Variants in PRKAG2 observed in about 807,000 individuals in gnomAD.
PRKAG2 encodes protein kinase AMP-activated non-catalytic subunit gamma 2.
A neutral mutation model predicts 69.6 loss-of-function variants in PRKAG2; 26 were observed. The observed-to-expected ratio is 0.37, with a 90% CI of 0.27 to 0.52. The LOEUF (loss-of-function observed/expected upper bound fraction) is 0.52. Ranked by LOEUF, PRKAG2 falls within the 20% of genes least tolerant of loss-of-function variation. PRKAG2 has a pLI of 0.90. For missense variants in PRKAG2, 557 were observed against 740.0 expected, an observed-to-expected ratio of 0.75 and a Z score of 2.87; for synonymous variants, 293 against 285.0, an observed-to-expected ratio of 1.03 and a Z score of -0.28.
chr7:151,821,721 A>G (rs10952319), intron 1 of PRKAG2, among the ~76,000 whole-genome samples: 110,253 of 151,954 alleles, frequency 0.73, 41,101 homozygotes, highest in Middle Eastern at 0.87. Context: ...GCCTCTACTC[A>G]CCCTTTGAAA....
At chr7:151,611,959 G>A (rs1818978944) in intron 5 of PRKAG2, among the ~76,000 whole-genome samples, 1 of 152,122 alleles carries the variant, frequency 6.6e-6, no homozygotes, top group Non-Finnish European at 1.5e-5. Context: ...GCTTGAGAAT[G>A]TCTTGAACCT....
chr7:151,661,072 T>G (rs1330491509), intron 4 of PRKAG2, among the ~76,000 whole-genome samples: 1 of 152,244 alleles, frequency 6.6e-6, no homozygotes, highest in African/African-American at 2.4e-5. Context: ...GTATGTGTTT[T>G]GAAAAATCAA....
intron 5 of PRKAG2, among the ~76,000 whole-genome samples, chr7:151,625,525 T>C (rs1822623715): frequency 6.6e-6 from 1 of 152,052 alleles, no homozygotes; most frequent in Admixed American, 6.5e-5. Flanking sequence ...TTGAAGGAAA[T>C]ATCTCCAACA....
At chr7:151,800,075 G>A (rs12112702) in intron 1 of PRKAG2, among the ~76,000 whole-genome samples, 6,228 of 150,662 alleles carry the variant, frequency 0.041, 155 homozygotes, top group South Asian at 0.093. Context: ...GTCGCCTCAC[G>A]GGCCGGGTGC....
chr7:151,858,470 C>G (rs2079839193), intron 1 of PRKAG2, among the ~76,000 whole-genome samples: 1 of 152,184 alleles, frequency 6.6e-6, no homozygotes, highest in Admixed American at 6.5e-5. Context: ...AGATACGTGT[C>G]AGGGATTGGA....
chr7:151,753,870 C>T (rs1563596965), intron 3 of PRKAG2, among the ~76,000 whole-genome samples: 1 of 152,070 alleles, frequency 6.6e-6, no homozygotes, highest in Non-Finnish European at 1.5e-5. Context: ...CCCATCTCTA[C>T]AAAATATTTA....
Position 151,694,075 on chromosome 7 carries a change from T to C in PRKAG2, c.467-18438A>G, listed in dbSNP as rs193273412. ...TTTTAGTAGAGACAGGGTTTTACCA[T>C]GTTGGCCAGGCTGGTCTTGAACTCC... On this transcript the variant is annotated intron_variant, in intron 3 of 15. Coordinates refer to ENST00000287878, the MANE Select transcript of PRKAG2 (RefSeq NM_016203.4). Among the ~76,000 whole-genome samples, 258 of 152,326 alleles carry C rather than the reference T, an allele frequency of 1.7e-3. 1 individual carries two copies. Among genetic ancestry groups the C allele is most frequent in the African/African-American group, 6.0e-3 (250 of 41,562 alleles).
rs144476319 is a variant in PRKAG2 at position 151,557,867 on chromosome 7, C to T, written c.1679-635G>A. On this transcript the variant is annotated intron_variant, in intron 15 of 15. Coordinates refer to ENST00000287878, the MANE Select transcript of PRKAG2 (RefSeq NM_016203.4). ...AGCCTGGTTGACAAGAGTGAAACTC[C>T]GTCTCAAATAAAAAAAAAAAAAACA... 9.2e-3 allele frequency: 8,673 copies of T among 947,644 alleles called. 42 individuals carry two copies. The highest frequency in any genetic ancestry group is 1.0e-2 in the Non-Finnish European group (7,965 of 797,598). The allele number at this position is 947,644 out of a possible 1,614,324, so 58.7% of individuals were successfully genotyped here. A position where few individuals can be genotyped will look rare whatever the true frequency, so the allele number is the denominator to read the frequency against.
intron 3 of PRKAG2, among the ~76,000 whole-genome samples, chr7:151,695,734 G>A (rs1167417962): frequency 1.3e-5 from 2 of 152,298 alleles, no homozygotes; most frequent in East Asian, 3.9e-4. Flanking sequence ...GGGTGGCGTT[G>A]CTTCCAAGGT....
chr7:151,870,219 G>A (rs2080190107), intron 1 of PRKAG2, among the ~76,000 whole-genome samples: 1 of 151,620 alleles, frequency 6.6e-6, no homozygotes. Context: ...ATAACTCATG[G>A]GGGCAGAAGA....
At position 151,632,470 on chromosome 7, in the gene PRKAG2, C is replaced by T; in HGVS notation, c.685-332G>A. Reference sequence around the variant, plus strand: ...AGCTCGAGGGCGGCAGCGCCTGGGCCCGGGGCGCCCCCCTCCGGCCGTGGC... The same window carrying T: ...AGCTCGAGGGCGGCAGCGCCTGGGCTCGGGGCGCCCCCCTCCGGCCGTGGC... On this transcript the variant is annotated intron_variant, in intron 4 of 15. Transcript: ENST00000287878. This position sits in a 1 kb window ranked among gnomAD's most constrained non-coding sequence, Gnocchi z 4.2. 1.3e-6 allele frequency: 1 copy of T among 748,858 alleles called. No homozygotes were observed. Among genetic ancestry groups the T allele is most frequent in the South Asian group, 6.0e-5 (1 of 16,592 alleles). 46.4% of individuals were successfully genotyped at this position (748,858 alleles called of 1,614,324 possible). A position where few individuals can be genotyped will look rare whatever the true frequency, so the allele number is the denominator to read the frequency against.
intron 1 of PRKAG2, among the ~76,000 whole-genome samples, chr7:151,798,326 G>GT: frequency 6.6e-6 from 1 of 151,530 alleles, no homozygotes; most frequent in East Asian, 1.9e-4. Context: ...TTCGTTTTTT[G>GT]TTTTTTGAGA....
At chr7:151,683,517 G>A (rs754465125) in intron 3 of PRKAG2, among the ~76,000 whole-genome samples, 1 of 152,158 alleles carries the variant, frequency 6.6e-6, no homozygotes, top group Admixed American at 6.5e-5. Flanking sequence ...GGAACGGAAC[G>A]ACAAGAAGGA....
rs2151233210 is a variant in PRKAG2, at chr7:151,614,222, A to T, written c.754+17847T>A. On this transcript the variant is annotated intron_variant, in intron 5 of 15. Coordinates refer to ENST00000287878, the MANE Select transcript of PRKAG2 (RefSeq NM_016203.4). This position sits in a 1 kb window ranked among gnomAD's most constrained non-coding sequence, Gnocchi z 4.4. ...CTGTGTCTTGAAGGCAGGAAAAGGG[A>T]TTCCAGGCAGAGGCCTGAGCCCCTC... Among the ~76,000 whole-genome samples, 1 of 152,176 alleles carries T rather than the reference A, an allele frequency of 6.6e-6. No homozygotes were observed. The highest frequency in any genetic ancestry group is 1.5e-5 in the Non-Finnish European group (1 of 67,982).
chr7:151,827,419 A>G (rs1266465269), intron 1 of PRKAG2, among the ~76,000 whole-genome samples: 2 of 151,996 alleles, frequency 1.3e-5, no homozygotes, highest in African/African-American at 4.8e-5. Flanking sequence ...TTGTATTTTT[A>G]GTAGAGACAG....
intron 3 of PRKAG2, among the ~76,000 whole-genome samples, chr7:151,707,232 G>A (rs1193008186): frequency 6.6e-6 from 1 of 152,184 alleles, no homozygotes; most frequent in African/African-American, 2.4e-5. Flanking sequence ...AGGCTAGACG[G>A]CATCCTGGCA....
intron 1 of PRKAG2, among the ~76,000 whole-genome samples, chr7:151,831,825 G>A (rs1372251831): frequency 6.6e-6 from 1 of 152,188 alleles, no homozygotes; most frequent in African/African-American, 2.4e-5. Flanking sequence ...TGGCCTGCCT[G>A]CACCGAGGCT....
intron 1 of PRKAG2, among the ~76,000 whole-genome samples, chr7:151,805,938 C>A (rs925988581): frequency 6.6e-6 from 1 of 152,234 alleles, no homozygotes; most frequent in Admixed American, 6.5e-5. Context: ...GTGGCTCACG[C>A]CTATAGTCCA....
intron 3 of PRKAG2, among the ~76,000 whole-genome samples, chr7:151,708,600 T>C (rs1839018077): frequency 1.3e-5 from 2 of 151,950 alleles, no homozygotes; most frequent in African/African-American, 2.4e-5. Context: ...GGCATGCCTG[T>C]AGGGTCCTGG....
Sources: gnomAD v4.1 joint callset for allele counts (sites outside exome capture counted in the v4.1 genomes callset) on GRCh38, gnomAD v4.1.1 for gene constraint, Gnocchi (gnomAD v3.1) non-coding constraint, MANE v1.5 for transcripts, NCBI Gene and HGNC (gene_info 2026-07-23, HGNC 2026-07-21) for gene names.